CLMP: variants seen among roughly 807,000 people sequenced by gnomAD.
The protein encoded by CLMP is CXADR like cell adhesion molecule, also known as CXADR-like membrane protein.
Under a neutral mutation model 45.2 loss-of-function variants are expected in CLMP, and 27 were observed. That is an observed-to-expected ratio of 0.60 (90% CI 0.44 to 0.82). CLMP has a LOEUF of 0.82. Among genes scored for constraint, CLMP ranks in the 40% least tolerant of loss-of-function variants. The pLI is 0.00. For synonymous variants in CLMP, 167 were observed against 171.4 expected (o/e 0.97, Z 0.20); for missense variants, 403 against 448.4 (o/e 0.90, Z 0.91).
At chr11:123,137,247 G>A (rs1255429672) in intron 1 of CLMP, among the ~76,000 whole-genome samples, 2 of 141,706 alleles carry the variant, frequency 1.4e-5, no homozygotes, top group African/African-American at 5.2e-5. Context: ...TCCGCCTCCC[G>A]GGTTCACGCC....
chr11:123,145,539 T>G (rs546252538), intron 1 of CLMP, among the ~76,000 whole-genome samples: 6 of 143,888 alleles, frequency 4.2e-5, no homozygotes, highest in Non-Finnish European at 9.0e-5. Flanking sequence ...CTGGACTCAA[T>G]GCAACCTCCG....
chr11:123,157,803 C>T (rs1223216173), intron 1 of CLMP, among the ~76,000 whole-genome samples: 5 of 149,230 alleles, frequency 3.4e-5, no homozygotes, highest in South Asian at 2.1e-4. Context: ...GTGTAAGTAA[C>T]GGAGCAGAGA....
At chr11:123,110,935 G>A (rs1860629950) in intron 1 of CLMP, among the ~76,000 whole-genome samples, 1 of 152,040 alleles carries the variant, frequency 6.6e-6, no homozygotes, top group Non-Finnish European at 1.5e-5. Flanking sequence ...CTGTAAAGGG[G>A]TCCTTATATG....
chr11:123,143,688 A>T (rs925951067), intron 1 of CLMP, among the ~76,000 whole-genome samples: 18 of 152,360 alleles, frequency 1.2e-4, no homozygotes, highest in Admixed American at 3.9e-4. Flanking sequence ...GCCTGATCTT[A>T]GGCTCACATT....
chr11:123,098,058 T>C, intron 1 of CLMP, 106 bp from the exon 2 acceptor site: 1 of 941,282 alleles, frequency 1.1e-6, no homozygotes, highest in Non-Finnish European at 1.5e-6. Context: ...GGCAAGTGCA[T>C]GTGGAGGGGT....
At chr11:123,165,767 T>G (rs1861547619) in intron 1 of CLMP, among the ~76,000 whole-genome samples, 1 of 152,002 alleles carries the variant, frequency 6.6e-6, no homozygotes. Flanking sequence ...TAATCTTTCA[T>G]CAGCCTAGGG....
intron 1 of CLMP, among the ~76,000 whole-genome samples, chr11:123,150,505 A>G (rs1372533944): frequency 5.4e-5 from 7 of 129,814 alleles, no homozygotes; most frequent in East Asian, 2.5e-4. Context: ...GGAAGGAAGG[A>G]AGGAAGGAAG....
chr11:123,186,894 G>T (rs1475789569), intron 1 of CLMP, among the ~76,000 whole-genome samples: 1 of 152,152 alleles, frequency 6.6e-6, no homozygotes, highest in Non-Finnish European at 1.5e-5. Context: ...CACCTATAGG[G>T]TGAGGAACCA....
At chr11:123,160,412 T>A (rs899966413) in intron 1 of CLMP, among the ~76,000 whole-genome samples, 1 of 152,136 alleles carries the variant, frequency 6.6e-6, no homozygotes, top group African/African-American at 2.4e-5. Flanking sequence ...CATGTTTTGC[T>A]GCATGTCTTC....
At chr11:123,074,917 T>A in intron 5 of CLMP, 74 bp from the exon 6 acceptor site, 1 of 1,520,140 alleles carries the variant, frequency 6.6e-7, no homozygotes, top group Non-Finnish European at 8.9e-7. Context: ...TCAAAAAACA[T>A]AAGCTCTGGA....
intron 1 of CLMP, among the ~76,000 whole-genome samples, chr11:123,130,639 G>A (rs1860971972): frequency 6.6e-6 from 1 of 152,090 alleles, no homozygotes; most frequent in South Asian, 2.1e-4. Flanking sequence ...TCCTGCACAT[G>A]CCAGGGAATG....
intron 5 of CLMP, among the ~76,000 whole-genome samples, chr11:123,080,518 G>A (rs1489108787): frequency 6.6e-6 from 1 of 152,004 alleles, no homozygotes; most frequent in African/African-American, 2.4e-5. Context: ...GTAGAGATGG[G>A]GTTTCACCCT....
chr11:123,100,062 A>G (rs1255356272), intron 1 of CLMP, among the ~76,000 whole-genome samples: 5 of 152,148 alleles, frequency 3.3e-5, no homozygotes, highest in Non-Finnish European at 7.3e-5. Flanking sequence ...AAGAGGAGAA[A>G]GAAAAAGGAT....
chr11:123,102,916 C>A (rs75123566), intron 1 of CLMP, among the ~76,000 whole-genome samples: 13,367 of 151,830 alleles, frequency 0.088, 673 homozygotes, highest in South Asian at 0.15. Flanking sequence ...ATCCTGTAAG[C>A]TCTTTGACAT....
intron 1 of CLMP, among the ~76,000 whole-genome samples, chr11:123,169,108 C>A (rs1430407805): frequency 1.3e-5 from 2 of 152,166 alleles, no homozygotes; most frequent in African/African-American, 2.4e-5. Flanking sequence ...GCTGGGGAAT[C>A]CCTGGAGGCA....
chr11:123,191,880 G>A (rs1861912336), intron 1 of CLMP, among the ~76,000 whole-genome samples: 1 of 152,142 alleles, frequency 6.6e-6, no homozygotes, highest in Admixed American at 6.5e-5. Context: ...ATTCTAATGG[G>A]GTGTTAGATA....
chr11:123,113,646 T>A (rs1275055953), intron 1 of CLMP, among the ~76,000 whole-genome samples: 4 of 152,084 alleles, frequency 2.6e-5, no homozygotes, highest in Admixed American at 2.0e-4. Flanking sequence ...GTTCTCAAAG[T>A]CTGGTGGTGG....
intron 1 of CLMP, chr11:123,191,334 C>A (rs1298705031): frequency 6.6e-6 from 1 of 152,088 alleles, no homozygotes; most frequent in Non-Finnish European, 1.5e-5. Flanking sequence ...GGGAATATAT[C>A]GTTATTATGA....
At chr11:123,115,021 T>C (rs1860701443) in intron 1 of CLMP, among the ~76,000 whole-genome samples, 1 of 152,124 alleles carries the variant, frequency 6.6e-6, no homozygotes, top group Non-Finnish European at 1.5e-5. Flanking sequence ...TTCACCTTCA[T>C]GTTTTCTACT....
Sources: allele counts gnomAD v4.1 joint callset (sites outside exome capture counted in the v4.1 genomes callset), GRCh38; gene constraint gnomAD v4.1.1; transcripts MANE v1.5; gene names NCBI Gene and HGNC (gene_info 2026-07-23, HGNC 2026-07-21).